Variants in GANAB observed in about 807,000 individuals in gnomAD.
GANAB encodes glucosidase II alpha subunit, also known as neutral alpha-glucosidase AB.
A neutral mutation model predicts 129.9 loss-of-function variants in GANAB; 35 were observed. The observed-to-expected ratio is 0.27, with a 90% confidence interval of 0.21 to 0.36. The LOEUF is 0.36. GANAB is among the 10% of genes least tolerant of loss of function. The probability of loss-of-function intolerance (pLI) is 1.00; values close to 1 mark genes in which losing one functional copy is unlikely to be tolerated. For missense variants in GANAB, 939 were observed against 1,221.0 expected (o/e 0.77, Z 3.44); for synonymous variants, 482 against 451.8 (o/e 1.07, Z -0.85).
chr11:62,634,592 G>C (rs1462626758), intron 5 of GANAB: 2 of 615,230 alleles, frequency 3.3e-6, no homozygotes, highest in African/African-American at 3.7e-5. Context: ...AGGCCTCCCA[G>C]AGATGCCCAG....
intron 5 of GANAB, chr11:62,634,268 A>T: frequency 7.5e-7 from 1 of 1,330,150 alleles, no homozygotes; most frequent in Non-Finnish European, 1.1e-6. Context: ...GGAATGGGTA[A>T]GGGCAGAGGA....
At position 62,630,840 on chromosome 11, in the gene GANAB, CAGGTTCATG is replaced by C; in HGVS notation, c.1151-13_1151-5del. 6.2e-7 allele frequency: 1 copy of C among 1,609,018 alleles called. No individual in the cohort carries two copies. Among genetic ancestry groups the C allele is most frequent in the Non-Finnish European group, 8.5e-7 (1 of 1,176,298 alleles). On this transcript the variant is annotated splice_polypyrimidine_tract_variant and splice_region_variant and intron_variant, in intron 10 of 23. Coordinates refer to ENST00000356638, the MANE Select transcript of GANAB (RefSeq NM_198334.3). ...AGTGGGGGCAACGCCTGGGTTCCTG[CAGGTTCATG>C]AGGGATGGGGGTCACAACGAGGATC...
intron 21 of GANAB, 54 bp downstream of exon 21, chr11:62,626,517 G>A: frequency 6.7e-7 from 1 of 1,502,878 alleles, no homozygotes. Context: ...CCAGAGAACT[G>A]AGTCCTAGGA....
chr11:62,629,943 G>A lies in GANAB; in HGVS notation c.1608C>T (p.Asn536=), dbSNP rs765562637. 1 of 1,614,140 alleles carries A rather than the reference G, an allele frequency of 6.2e-7. No individual in the cohort carries two copies. Among genetic ancestry groups the A allele is most frequent in the Non-Finnish European group, 8.5e-7 (1 of 1,180,012 alleles). Residue 536 remains asparagine, a synonymous_variant, in exon 14 of 24, where the codon AAC becomes AAT. Transcript: ENST00000356638. ...CGTTCATGTCATTCCAGACAAAGAG[G>A]TTGGGAGCTGAGCCCTGGGAACGTG... ...SYDNYEGSAP[N]LFVWNDMNEP...
At chr11:62,630,122 G>A in intron 13 of GANAB, 75 bp downstream of exon 13, 1 of 1,368,108 alleles carries the variant, frequency 7.3e-7, no homozygotes, top group South Asian at 1.2e-5. Flanking sequence ...CCATAGAAGG[G>A]TTGGCAAGCC....
Position 62,626,415 on chromosome 11 carries a change from A to G in GANAB, c.2544T>C (p.Asp848=), listed in dbSNP as rs1341283766. ...GTAQGELFLD[D]GHTFNYQTRQ... ...GAGTCTGATAGTTGAACGTGTGCCC[A>G]TCATCCAGAAAGAGCTCTCCTTGAG... is the stretch of plus-strand genomic sequence containing the variant. Residue 848 remains aspartate, a synonymous_variant, in exon 22 of 24, where the codon GAT becomes GAC. Coordinates refer to ENST00000356638, the MANE Select transcript of GANAB (RefSeq NM_198334.3). The G allele has an allele frequency of 3.1e-6, 5 of 1,613,288 alleles. No homozygotes were observed. Among genetic ancestry groups the G allele is most frequent in the Non-Finnish European group, 1.7e-6 (2 of 1,179,302 alleles).
chr11:62,625,983 C>T (rs535683452), intron 23 of GANAB, 59 bp from the exon 24 acceptor site: 14 of 1,463,604 alleles, frequency 9.6e-6, no homozygotes, highest in East Asian at 4.5e-5. Flanking sequence ...ATAACAACAA[C>T]GTTCCTACAG....
Position 62,626,327 on chromosome 11 carries a change from C to T in GANAB, c.2624+8G>A. 1.3e-6 allele frequency: 2 copies of T among 1,572,342 alleles called. No individual in the cohort carries two copies. The highest frequency in any genetic ancestry group is 8.8e-7 in the Non-Finnish European group (1 of 1,141,878). ...AAGGCAGCCAAGGAAGAGTGGGTGA[C>T]CCATTACCTGGAGACAAGGGTGTTG... On this transcript the variant is annotated splice_region_variant and intron_variant, in intron 22 of 23. Transcript: ENST00000356638.
intron 23 of GANAB, 38 bp downstream of exon 23, chr11:62,626,027 C>CTCCT: frequency 6.5e-7 from 1 of 1,538,918 alleles, no homozygotes; most frequent in Non-Finnish European, 9.0e-7. Context: ...CCGGCTTCCC[C>CTCCT]TCCTTCCCCC....
Position 62,630,583 on chromosome 11 carries a change from G to GT in GANAB, c.1386+17dup. ...CAGCCCTACCCTGAGAAGACCAAGC[G>GT]TGACTGCAACCCCTTACCTTCCGCC... On this transcript the variant is annotated intron_variant, in intron 11 of 23. Coordinates refer to ENST00000356638, the MANE Select transcript of GANAB (RefSeq NM_198334.3). The GT allele has an allele frequency of 6.2e-7, 1 of 1,611,176 alleles. No homozygotes were observed. Among genetic ancestry groups the GT allele is most frequent in the Non-Finnish European group, 8.5e-7 (1 of 1,177,530 alleles).
Position 62,629,453 on chromosome 11 carries a change from C to T in GANAB, c.1834+135G>A. ...GAGTGGACCTCCCACACCCTGACTT[C>T]CTTCAAAGCGCATAGCTGAGAGGAA... On this transcript the variant is annotated intron_variant, in intron 15 of 23. Coordinates refer to ENST00000356638, the MANE Select transcript of GANAB (RefSeq NM_198334.3). The T allele has an allele frequency of 3.8e-6, 3 of 796,248 alleles. No individual in the cohort carries two copies. The South Asian group carries it at 4.9e-5, about 13-fold the overall frequency. 49.3% of individuals were successfully genotyped at this position (796,248 alleles called of 1,614,324 possible).
chr11:62,632,972 C>T (rs1943759133), intron 8 of GANAB, 33 bp downstream of exon 8: 1 of 1,320,372 alleles, frequency 7.6e-7, no homozygotes, highest in South Asian at 1.2e-5. Context: ...TTCCTGCCCA[C>T]CTCCATCTTC....
At position 62,625,819 on chromosome 11, in the gene GANAB, C is replaced by G. The variant is rs149726248; in HGVS notation, c.2831G>C (p.Arg944Pro). 1.3e-4 allele frequency: 204 copies of G among 1,585,692 alleles called. No individual in the cohort carries two copies. Among genetic ancestry groups the G allele is most frequent in the Non-Finnish European group, 1.7e-4 (195 of 1,154,560 alleles). The stretch of plus-strand genomic sequence containing the variant: ...TAACCCAGAACATCCCTTGGGTTAT[C>G]GCAGGTGAATACTCCAATCAGATGC... ...NVASDWSIHL[R>P] The change falls in exon 24 of 24, where the codon CGA becomes CCA. Residue 944 changes from arginine to proline, a missense_variant. By Grantham distance (103) the Arg-to-Pro change is moderately radical. Transcript: ENST00000356638.
chr11:62,646,576 C>T lies in GANAB; in HGVS notation c.24G>A (p.Ala8=), dbSNP rs763643977. The T allele has an allele frequency of 1.2e-6, 2 of 1,613,742 alleles. No homozygotes were observed. Among genetic ancestry groups the T allele is most frequent in the Admixed American group, 1.7e-5 (1 of 60,020 alleles). Residue 8 remains alanine (A), a synonymous_variant, in exon 1 of 24, where the codon GCG becomes GCA. Coordinates refer to ENST00000356638, the MANE Select transcript of GANAB (RefSeq NM_198334.3). ...GGGCTCCTCACCGCCTCCTACGCGC[C>T]GCCACTGCCGCTACCGCCGCCATCT... The part of the protein sequence containing the change: MAAVAAV[A]ARRRRSWASL...
chr11:62,642,926 G>A (rs1209012738), intron 1 of GANAB, among the ~76,000 whole-genome samples: 2 of 152,158 alleles, frequency 1.3e-5, no homozygotes, highest in Non-Finnish European at 2.9e-5. Context: ...TAGCTGGTAA[G>A]GGATGAAACG....
intron 1 of GANAB, among the ~76,000 whole-genome samples, 155 bp downstream of exon 1, chr11:62,646,407 G>A (rs1229769421): frequency 6.6e-6 from 1 of 152,202 alleles, no homozygotes; most frequent in Admixed American, 6.5e-5. Flanking sequence ...CTACCACGGG[G>A]AGACCGGAGG....
intron 16 of GANAB, 81 bp downstream of exon 16, chr11:62,629,113 T>G: frequency 2.6e-6 from 4 of 1,541,174 alleles, no homozygotes; most frequent in Non-Finnish European, 3.6e-6. Flanking sequence ...CAACTCTCTT[T>G]GCTTACAACA....
chr11:62,632,406 G>C (rs767132438), intron 9 of GANAB, among the ~76,000 whole-genome samples, 159 bp downstream of exon 9: 4 of 152,162 alleles, frequency 2.6e-5, no homozygotes, highest in African/African-American at 4.8e-5. Context: ...GTGAGTGAGC[G>C]TGTCACCTGG....
At chr11:62,643,083 G>C (rs1006519484) in intron 1 of GANAB, among the ~76,000 whole-genome samples, 1 of 152,152 alleles carries the variant, frequency 6.6e-6, no homozygotes, top group Non-Finnish European at 1.5e-5. Flanking sequence ...ATTTCCCAAT[G>C]TGCTATGAAA....
Sources: allele counts gnomAD v4.1 joint callset (sites outside exome capture counted in the v4.1 genomes callset), GRCh38; gene constraint gnomAD v4.1.1; transcripts MANE v1.5; gene names NCBI Gene and HGNC (gene_info 2026-07-23, HGNC 2026-07-21).